LUZP1: variants seen among roughly 807,000 people sequenced by gnomAD.
LUZP1 encodes leucine zipper protein 1, also known as filamin mechanobinding actin cross-linking protein.
Under a neutral mutation model 71.3 loss-of-function variants are expected in LUZP1, and 25 were observed. That is an observed-to-expected ratio of 0.35 (90% CI 0.26 to 0.49). The LOEUF (loss-of-function observed/expected upper bound fraction) is 0.49, where lower values mean the gene tolerates loss of function less well. LUZP1 is among the 20% of genes least tolerant of loss of function. The pLI, the probability that LUZP1 is intolerant of heterozygous loss-of-function variation, is 0.99. For synonymous variants in LUZP1, 481 were observed against 506.4 expected, an observed-to-expected ratio of 0.95 and a Z score of 0.67; for missense variants, 1,142 against 1,300.8, an observed-to-expected ratio of 0.88 and a Z score of 1.88.
intron 2 of LUZP1, among the ~76,000 whole-genome samples, chr1:23,115,429 A>G (rs907943354): frequency 6.6e-6 from 1 of 152,254 alleles, no homozygotes; most frequent in Non-Finnish European, 1.5e-5. Context: ...AATTAGAAAG[A>G]ACTTAAGAAC....
At chr1:23,085,070 G>A (rs1643742844) in exon 5 of LUZP1, 1 of 152,576 alleles carries the variant, frequency 6.6e-6, no homozygotes, top group African/African-American at 2.4e-5. Flanking sequence ...TGATACACAT[G>A]CACCCAAGGA....
intron 2 of LUZP1, among the ~76,000 whole-genome samples, chr1:23,145,541 C>T (rs1049199703): frequency 5.3e-5 from 8 of 150,724 alleles, no homozygotes; most frequent in East Asian, 3.9e-4. Flanking sequence ...GCAATCTCAG[C>T]TCACTGCAAC....
chr1:23,084,004 A>AAAAG (rs1335008694), downstream of LUZP1: 2 of 152,174 alleles, frequency 1.3e-5, no homozygotes, highest in East Asian at 1.9e-4. Flanking sequence ...GATAGAACAC[A>AAAAG]AAAGAGCTGA....
At chr1:23,121,948 G>A (rs1336695183) in intron 2 of LUZP1, among the ~76,000 whole-genome samples, 1 of 152,110 alleles carries the variant, frequency 6.6e-6, no homozygotes, top group Non-Finnish European at 1.5e-5. Flanking sequence ...GGAGGCAAAG[G>A]TTGCAGTGAG....
intron 3 of LUZP1, among the ~76,000 whole-genome samples, chr1:23,103,992 G>A (rs1643958885): frequency 1.3e-5 from 2 of 151,408 alleles, no homozygotes; most frequent in South Asian, 4.2e-4. Flanking sequence ...ATTCAGCATG[G>A]CTGACACCAG....
chr1:23,092,880 T>C (rs1349275576), exon 4 of LUZP1: 1 of 1,613,662 alleles, frequency 6.2e-7, no homozygotes, highest in East Asian at 2.2e-5. Flanking sequence ...CCCTTCGCTC[T>C]GGGAGGAGCC....
chr1:23,162,659 T>C (rs1347647941), intron 2 of LUZP1: 2 of 152,016 alleles, frequency 1.3e-5, no homozygotes, highest in South Asian at 2.1e-4. Flanking sequence ...CAGCCCATAA[T>C]ACATTTTTAA....
chr1:23,142,547 A>G (rs1644311393), intron 2 of LUZP1, among the ~76,000 whole-genome samples: 1 of 151,968 alleles, frequency 6.6e-6, no homozygotes, highest in African/African-American at 2.4e-5. Context: ...CCTCGGGATA[A>G]TCTGAGTTCT....
At chr1:23,084,725 A>C (rs890408452) in exon 5 of LUZP1, 1 of 64,132 alleles carries the variant, frequency 1.6e-5, no homozygotes, top group Admixed American at 1.1e-4. Context: ...AAAACGGAGA[A>C]GGCTTTTCCC....
intron 2 of LUZP1, among the ~76,000 whole-genome samples, chr1:23,158,377 G>A (rs746333237): frequency 3.3e-5 from 5 of 152,160 alleles, no homozygotes; most frequent in South Asian, 2.1e-4. Context: ...TAGGCTAGGC[G>A]CAGTGGCTCA....
At chr1:23,146,190 G>T (rs1186652981) in intron 2 of LUZP1, among the ~76,000 whole-genome samples, 1 of 151,890 alleles carries the variant, frequency 6.6e-6, no homozygotes, top group African/African-American at 2.4e-5. Context: ...GCTAATTTTT[G>T]TATTTTTAGT....
At chr1:23,105,548 G>A (rs1414715156) in intron 3 of LUZP1, among the ~76,000 whole-genome samples, 1 of 152,176 alleles carries the variant, frequency 6.6e-6, no homozygotes, top group Admixed American at 6.5e-5. Context: ...GTGTAAATAA[G>A]TTAATGCAAG....
intron 2 of LUZP1, among the ~76,000 whole-genome samples, chr1:23,138,697 GTA>G (rs59486855): frequency 0.12 from 16,175 of 135,180 alleles, 997 homozygotes; most frequent in African/African-American, 0.17. Context: ...GTGTGTGTGT[GTA>G]TATATATATA....
chr1:23,176,157 G>A (rs1026489878), intron 1 of LUZP1, among the ~76,000 whole-genome samples: 63 of 151,588 alleles, frequency 4.2e-4, no homozygotes, highest in Non-Finnish European at 1.0e-4. Context: ...CACCTCCTGG[G>A]TTCAAGTGAT....
At chr1:23,160,860 G>C (rs1029929528) in intron 2 of LUZP1, among the ~76,000 whole-genome samples, 7 of 152,140 alleles carry the variant, frequency 4.6e-5, no homozygotes, top group Non-Finnish European at 8.8e-5. Flanking sequence ...AAAATAAGAA[G>C]CTTTTGATAC....
chr1:23,133,442 T>TA (rs1420595766), intron 2 of LUZP1: 10 of 152,138 alleles, frequency 6.6e-5, no homozygotes, highest in African/African-American at 2.4e-4. Context: ...TAGGGATCCC[T>TA]ACAACGGAAA....
chr1:23,108,782 T>C (rs1644005151), intron 3 of LUZP1, among the ~76,000 whole-genome samples: 1 of 152,162 alleles, frequency 6.6e-6, no homozygotes, highest in Non-Finnish European at 1.5e-5. Context: ...AGAGTAAATA[T>C]TCAATAAATG....
intron 3 of LUZP1, among the ~76,000 whole-genome samples, chr1:23,103,203 C>A (rs1643945383): frequency 6.6e-6 from 1 of 151,750 alleles, no homozygotes. Context: ...TTCGAGCCTT[C>A]TAAAGTACTG....
At chr1:23,175,302 C>G (rs1425446750) in intron 1 of LUZP1, among the ~76,000 whole-genome samples, 1 of 152,210 alleles carries the variant, frequency 6.6e-6, no homozygotes, top group Admixed American at 6.5e-5. Flanking sequence ...TTGAACTCTT[C>G]TCAGCAGCAG....
Sources: gnomAD v4.1 joint callset for allele counts (sites outside exome capture counted in the v4.1 genomes callset) on GRCh38, gnomAD v4.1.1 for gene constraint, MANE v1.5 for transcripts, NCBI Gene and HGNC (gene_info 2026-07-23, HGNC 2026-07-21) for gene names.